Variants in KCNIP4 observed in about 807,000 individuals in gnomAD.
The protein encoded by KCNIP4 is Kv channel-interacting protein 4.
Under a neutral mutation model 34.0 loss-of-function variants are expected in KCNIP4, and 12 were observed. The ratio of observed to expected loss-of-function variants is 0.35; its 90% CI spans 0.23 to 0.57. KCNIP4 has a LOEUF of 0.57. Among genes scored for constraint, KCNIP4 ranks in the 20% least tolerant of loss-of-function variants. The pLI is 0.83. For synonymous variants in KCNIP4, 124 were observed against 102.2 expected, an observed-to-expected ratio of 1.21 and a Z score of -1.29; for missense variants, 238 against 311.7, an observed-to-expected ratio of 0.76 and a Z score of 1.78.
chr4:21,399,114 A>C (rs1333312640), intron 1 of KCNIP4, among the ~76,000 whole-genome samples: 2 of 152,216 alleles, frequency 1.3e-5, no homozygotes, highest in Admixed American at 1.3e-4. Context: ...TTAGCACCTC[A>C]ACCTAGATTG....
intron 1 of KCNIP4, among the ~76,000 whole-genome samples, chr4:21,647,934 C>T (rs916936672): frequency 2.4e-5 from 3 of 125,252 alleles, no homozygotes; most frequent in African/African-American, 9.3e-5. Flanking sequence ...AGTGCAGTGG[C>T]GTGATCTCGG....
At chr4:21,812,103 C>A (rs574151209) in intron 1 of KCNIP4, among the ~76,000 whole-genome samples, 4 of 152,268 alleles carry the variant, frequency 2.6e-5, no homozygotes, top group Admixed American at 2.6e-4. Flanking sequence ...GGTATATTCA[C>A]AATAACTATT....
chr4:21,814,469 T>C (rs951837619), intron 1 of KCNIP4, among the ~76,000 whole-genome samples: 20 of 152,142 alleles, frequency 1.3e-4, no homozygotes, highest in Non-Finnish European at 2.4e-4. Flanking sequence ...ACAAGCTCTC[T>C]CCTGCCTGTC....
chr4:21,542,495 G>A lies in KCNIP4; in HGVS notation c.61+406076C>T, dbSNP rs555774405. ...TGTTTTAAAATTTCAATAAAATAGC[G>A]AAAAATATAAAGCTCTTGATTAGGA... On this transcript the variant is annotated intron_variant, in intron 1 of 8. Transcript: ENST00000382152. 1.3e-3 allele frequency among the ~76,000 whole-genome samples: 197 copies of A among 151,896 alleles called. 1 individual carries two copies. Among genetic ancestry groups the A allele is most frequent in the African/African-American group, 4.2e-3 (175 of 41,466 alleles).
chr4:21,516,587 T>C (rs1229989091), intron 1 of KCNIP4, among the ~76,000 whole-genome samples: 1 of 152,194 alleles, frequency 6.6e-6, no homozygotes, highest in Non-Finnish European at 1.5e-5. Flanking sequence ...CATCAGTTTC[T>C]TCTCCTGTAG....
chr4:21,764,850 T>C (rs932097638), intron 1 of KCNIP4, among the ~76,000 whole-genome samples: 1 of 151,936 alleles, frequency 6.6e-6, no homozygotes, highest in African/African-American at 2.4e-5. Context: ...GGAGGGGAGA[T>C]GTGGAGTGTA....
chr4:21,504,221 A>G (rs1331696775), intron 1 of KCNIP4, among the ~76,000 whole-genome samples: 2 of 152,094 alleles, frequency 1.3e-5, no homozygotes. Context: ...TAATCTCAGC[A>G]CTTTGGTAGG....
At chr4:21,738,092 A>AAAATAAATAAAT (rs11444057) in intron 1 of KCNIP4, among the ~76,000 whole-genome samples, 5 of 142,230 alleles carry the variant, frequency 3.5e-5, no homozygotes, top group South Asian at 2.2e-4. Flanking sequence ...ACTCCATCTC[A>AAAATAAATAAAT]AAATAAATAA....
intron 1 of KCNIP4, among the ~76,000 whole-genome samples, chr4:21,204,850 G>A (rs889586223): frequency 1.3e-5 from 2 of 152,124 alleles, no homozygotes; most frequent in Non-Finnish European, 1.5e-5. Context: ...AAATGTTCCC[G>A]ATATAGTTGG....
intron 1 of KCNIP4, among the ~76,000 whole-genome samples, chr4:21,251,939 C>T (rs1186816457): frequency 6.6e-6 from 1 of 151,184 alleles, no homozygotes; most frequent in Non-Finnish European, 1.5e-5. Flanking sequence ...TGCAGCACAC[C>T]AGCATGGCAC....
chr4:21,798,857 T>A (rs1056514887), intron 1 of KCNIP4, among the ~76,000 whole-genome samples: 3 of 152,078 alleles, frequency 2.0e-5, no homozygotes, highest in Non-Finnish European at 4.4e-5. Context: ...TTTCTGTGGG[T>A]TAAAAACTAC....
rs4697226 is a variant in KCNIP4, at chr4:21,660,793, T to G, written c.61+287778A>C. On this transcript the variant is annotated intron_variant, in intron 1 of 8. Transcript: ENST00000382152. ...CTAGTGGTGGTTGTAGTGATGACAG[T>G]GATACTTGTTATTTTCATTTATGTA... Among the ~76,000 whole-genome samples, 20 of 152,084 alleles carry G rather than the reference T, an allele frequency of 1.3e-4. No individual in the cohort carries two copies. In the East Asian group the frequency reaches 3.9e-3, roughly 29 times the overall value.
intron 3 of KCNIP4, among the ~76,000 whole-genome samples, chr4:20,847,580 A>C (rs927959127): frequency 2.6e-5 from 4 of 152,106 alleles, no homozygotes; most frequent in African/African-American, 9.7e-5. Context: ...GAGACCTAAA[A>C]ATGTGTGGGA....
chr4:21,702,899 T>C (rs1560645212), intron 1 of KCNIP4, among the ~76,000 whole-genome samples: 2 of 151,856 alleles, frequency 1.3e-5, no homozygotes, highest in African/African-American at 4.8e-5. Flanking sequence ...AAGAAATATA[T>C]ATTATAGTCA....
At chr4:21,766,091 T>A (rs2044808) in intron 1 of KCNIP4, among the ~76,000 whole-genome samples, 21,930 of 152,038 alleles carry the variant, frequency 0.14, 5,320 homozygotes, top group African/African-American at 0.5. Flanking sequence ...GCTCTTGAAT[T>A]ACACAGGAAT....
intron 1 of KCNIP4, among the ~76,000 whole-genome samples, chr4:21,623,270 T>A (rs1745106577): frequency 6.6e-6 from 1 of 152,222 alleles, no homozygotes; most frequent in South Asian, 2.1e-4. Context: ...TAAACAATTA[T>A]GAATTTACCA....
At chr4:21,221,067 T>C (rs1577909732) in intron 1 of KCNIP4, among the ~76,000 whole-genome samples, 1 of 152,166 alleles carries the variant, frequency 6.6e-6, no homozygotes, top group East Asian at 1.9e-4. Context: ...TAATTCATCG[T>C]TCATTCCTCT....
chr4:20,964,956 G>T lies in KCNIP4; in HGVS notation c.62-82247C>A, dbSNP rs114390370. Among the ~76,000 whole-genome samples the T allele has an allele frequency of 9.9e-3, 1,504 of 151,958 alleles. 30 individuals carry two copies. The highest frequency in any genetic ancestry group is 0.034 in the African/African-American group (1,410 of 41,278). On this transcript the variant is annotated intron_variant, in intron 1 of 8. Coordinates refer to ENST00000382152, the MANE Select transcript of KCNIP4 (RefSeq NM_025221.6). Reference sequence around the variant, plus strand: ...ACTGGCTAGTAGTGTACGGGTTCAGGAAGAGGGGTAAATCTCTTAGTTGCT... The same window carrying T: ...ACTGGCTAGTAGTGTACGGGTTCAGTAAGAGGGGTAAATCTCTTAGTTGCT...
intron 1 of KCNIP4, among the ~76,000 whole-genome samples, chr4:20,984,786 C>G (rs911175679): frequency 6.6e-6 from 1 of 152,142 alleles, no homozygotes; most frequent in Non-Finnish European, 1.5e-5. Flanking sequence ...AAGGTGTGTA[C>G]CACCATCGTC....
Sources: allele counts gnomAD v4.1 joint callset (sites outside exome capture counted in the v4.1 genomes callset), GRCh38; gene constraint gnomAD v4.1.1; transcripts MANE v1.5; gene names NCBI Gene and HGNC (gene_info 2026-07-23, HGNC 2026-07-21).